The following ENTREP2 variants were observed in gnomAD, a reference collection of about 807,000 sequenced individuals.
ENTREP2 encodes endosomal transmembrane epsin interactor 2.
the ENTREP2 span, chr15:29,614,036 A>T: frequency 6.5e-6 from 1 of 152,878 alleles, no homozygotes; most frequent in African/African-American, 2.4e-5. Context: ...CATGGAATGG[A>T]TGCTAACAAC....
At chr15:29,587,063 C>G in the ENTREP2 span, among the ~76,000 whole-genome samples, 1 of 151,810 alleles carries the variant, frequency 6.6e-6, no homozygotes, top group South Asian at 2.1e-4. Flanking sequence ...AGGTTACATA[C>G]AGAACTCTGT....
chr15:29,656,627 G>A, the ENTREP2 span, among the ~76,000 whole-genome samples: 2 of 152,274 alleles, frequency 1.3e-5, no homozygotes, highest in East Asian at 3.9e-4. Context: ...ATTTGCCAGG[G>A]AAGTGCAAAT....
chr15:29,144,810 C>T, the ENTREP2 span, among the ~76,000 whole-genome samples: 5 of 151,884 alleles, frequency 3.3e-5, no homozygotes, highest in South Asian at 2.1e-4. Context: ...GAGGCTGAGG[C>T]GGCTGGACCA....
chr15:29,661,450 C>T, the ENTREP2 span, among the ~76,000 whole-genome samples: 93 of 152,248 alleles, frequency 6.1e-4, 1 homozygote, highest in African/African-American at 2.1e-3. Flanking sequence ...CTGCCCGCCT[C>T]GGCCTCCCAA....
the ENTREP2 span, among the ~76,000 whole-genome samples, chr15:29,386,271 A>G: frequency 6.6e-6 from 1 of 152,164 alleles, no homozygotes; most frequent in African/African-American, 2.4e-5. Context: ...ACTCTGTAAC[A>G]CACACCCACT....
the ENTREP2 span, among the ~76,000 whole-genome samples, chr15:29,524,270 T>C: frequency 6.6e-6 from 1 of 152,220 alleles, no homozygotes; most frequent in South Asian, 2.1e-4. Flanking sequence ...CATGAAAAGA[T>C]GCTCAACATC....
chr15:29,148,925 G>A, the ENTREP2 span, among the ~76,000 whole-genome samples: 1 of 150,588 alleles, frequency 6.6e-6, no homozygotes, highest in Admixed American at 6.6e-5. Flanking sequence ...CGCCCAGGCT[G>A]TAGTGCAATG....
At chr15:29,550,394 GCT>G in the ENTREP2 span, among the ~76,000 whole-genome samples, 7 of 152,152 alleles carry the variant, frequency 4.6e-5, no homozygotes, top group Non-Finnish European at 1.0e-4. Flanking sequence ...CTCAATAAAT[GCT>G]CATTTATTCC....
At chr15:29,255,617 A>T in the ENTREP2 span, among the ~76,000 whole-genome samples, 1 of 152,324 alleles carries the variant, frequency 6.6e-6, no homozygotes, top group African/African-American at 2.4e-5. Context: ...GCAAAGTCAT[A>T]GAACCAACCC....
At chr15:29,470,679 G>C in the ENTREP2 span, among the ~76,000 whole-genome samples, 2 of 152,176 alleles carry the variant, frequency 1.3e-5, no homozygotes, top group East Asian at 3.9e-4. Context: ...CTCTTCCACA[G>C]CATCCTGACA....
the ENTREP2 span, among the ~76,000 whole-genome samples, chr15:29,390,662 G>A: frequency 6.6e-6 from 1 of 152,200 alleles, no homozygotes; most frequent in Non-Finnish European, 1.5e-5. Context: ...TCAAAGACCT[G>A]CCCATTTGAT....
At chr15:29,433,836 T>C in the ENTREP2 span, among the ~76,000 whole-genome samples, 1 of 151,150 alleles carries the variant, frequency 6.6e-6, no homozygotes, top group Non-Finnish European at 1.5e-5. Flanking sequence ...TGCATTCTCC[T>C]TTCCTAAAGC....
chr15:29,153,742 T>C, the ENTREP2 span, among the ~76,000 whole-genome samples: 2 of 152,270 alleles, frequency 1.3e-5, no homozygotes, highest in South Asian at 4.1e-4. Flanking sequence ...AAGCCCCAGA[T>C]TGTGAACAGT....
the ENTREP2 span, among the ~76,000 whole-genome samples, chr15:29,216,375 G>A: frequency 6.6e-5 from 10 of 152,300 alleles, no homozygotes; most frequent in Admixed American, 3.9e-4. Flanking sequence ...GTTACCTAGT[G>A]CTTCTGTGTC....
the ENTREP2 span, among the ~76,000 whole-genome samples, chr15:29,126,800 G>A: frequency 6.6e-6 from 1 of 152,232 alleles, no homozygotes; most frequent in African/African-American, 2.4e-5. Flanking sequence ...GGCCAGTGCA[G>A]GGGTACACAG....
chr15:29,503,400 A>G, the ENTREP2 span, among the ~76,000 whole-genome samples: 1 of 152,186 alleles, frequency 6.6e-6, no homozygotes, highest in African/African-American at 2.4e-5. Flanking sequence ...AATCATAGAA[A>G]CAGATAGTAG....
the ENTREP2 span, among the ~76,000 whole-genome samples, chr15:29,182,841 A>G: frequency 6.6e-6 from 1 of 151,664 alleles, no homozygotes; most frequent in African/African-American, 2.4e-5. Flanking sequence ...TAGACCAATA[A>G]AAAAAAAGAG....
the ENTREP2 span, among the ~76,000 whole-genome samples, chr15:29,633,363 A>G: frequency 1.3e-5 from 2 of 152,210 alleles, no homozygotes; most frequent in African/African-American, 2.4e-5. Flanking sequence ...AAAGAAAATC[A>G]ACATTAACAT....
the ENTREP2 span, among the ~76,000 whole-genome samples, chr15:29,383,703 C>T: frequency 1.3e-5 from 2 of 152,288 alleles, no homozygotes; most frequent in East Asian, 1.9e-4. Flanking sequence ...GGGGCAGAAC[C>T]AGGTCTCAGA....
Sources: allele counts gnomAD v4.1 joint callset (sites outside exome capture counted in the v4.1 genomes callset), GRCh38; gene constraint gnomAD v4.1.1; transcripts MANE v1.5; gene names NCBI Gene and HGNC (gene_info 2026-07-23, HGNC 2026-07-21).